MTUS2: variants seen among roughly 807,000 people sequenced by gnomAD.
The protein encoded by MTUS2 is microtubule-associated tumor suppressor candidate 2.
A neutral mutation model predicts 114.1 loss-of-function variants in MTUS2; 40 were observed. The ratio of observed to expected loss-of-function variants is 0.35; its 90% CI spans 0.27 to 0.46. The LOEUF (loss-of-function observed/expected upper bound fraction) is 0.46. Ranked by LOEUF, MTUS2 falls within the 20% of genes least tolerant of loss-of-function variation. The pLI is 1.00. For missense variants in MTUS2, 1,679 were observed against 1,705.4 expected, an observed-to-expected ratio of 0.98 and a Z score of 0.27; for synonymous variants, 688 against 672.0, an observed-to-expected ratio of 1.02 and a Z score of -0.37.
intron 7 of MTUS2, among the ~76,000 whole-genome samples, chr13:29,328,045 ATATC>A (rs1900600948): frequency 6.6e-6 from 1 of 152,174 alleles, no homozygotes; most frequent in African/African-American, 2.4e-5. Context: ...CTTTGATAAA[ATATC>A]TATCCAAATA....
chr13:29,444,576 T>C lies in MTUS2; in HGVS notation c.3184+4527T>C, dbSNP rs190235055. 1.0e-3 allele frequency among the ~76,000 whole-genome samples: 153 copies of C among 152,372 alleles called. 1 individual carries two copies. The Middle Eastern group carries it at 0.014, about 14-fold the overall frequency. On this transcript the variant is annotated intron_variant, in intron 9 of 15. Coordinates refer to ENST00000612955, the MANE Select transcript of MTUS2 (RefSeq NM_001033602.4). ...ATTTGAAGGTGAGGCCTGGGCCATT[T>C]TTTTTAAAGCCCCCTTATTAAGTAC...
chr13:28,940,948 AAGCT>A (rs1882200429), intron 2 of MTUS2, among the ~76,000 whole-genome samples: 1 of 152,106 alleles, frequency 6.6e-6, no homozygotes, highest in African/African-American at 2.4e-5. Flanking sequence ...AACCCAAAAA[AAGCT>A]AGGGTAACTA....
chr13:28,844,749 A>G (rs1593240358), intron 2 of MTUS2, among the ~76,000 whole-genome samples: 1 of 151,968 alleles, frequency 6.6e-6, no homozygotes, highest in African/African-American at 2.4e-5. Context: ...CCTGAGGAGC[A>G]GGGACTACAG....
At chr13:29,265,850 C>T (rs1897645864) in intron 5 of MTUS2, among the ~76,000 whole-genome samples, 1 of 152,186 alleles carries the variant, frequency 6.6e-6, no homozygotes. Flanking sequence ...ACCAGGCCCA[C>T]CTCCACACTG....
At chr13:29,284,568 C>T (rs1898401997) in intron 6 of MTUS2, among the ~76,000 whole-genome samples, 1 of 151,950 alleles carries the variant, frequency 6.6e-6, no homozygotes. Flanking sequence ...ATCTAAAACT[C>T]AAAAATGAAA....
At chr13:28,935,943 C>T (rs145350599) in intron 2 of MTUS2, among the ~76,000 whole-genome samples, 6 of 152,186 alleles carry the variant, frequency 3.9e-5, no homozygotes, top group South Asian at 2.1e-4. Flanking sequence ...GATGGGATCT[C>T]GCTCTGTTGC....
chr13:28,913,494 G>A (rs747302929), intron 2 of MTUS2, among the ~76,000 whole-genome samples: 2 of 152,146 alleles, frequency 1.3e-5, no homozygotes, highest in African/African-American at 4.8e-5. Flanking sequence ...GTTTTTTGAT[G>A]TGCTGCTGGA....
chr13:29,285,173 G>C (rs1362486990), intron 6 of MTUS2, among the ~76,000 whole-genome samples: 1 of 148,478 alleles, frequency 6.7e-6, no homozygotes, highest in Non-Finnish European at 1.5e-5. Flanking sequence ...ATCAATGAGG[G>C]CATATGATAA....
intron 6 of MTUS2, among the ~76,000 whole-genome samples, chr13:29,282,580 A>T (rs893308532): frequency 1.3e-5 from 2 of 152,076 alleles, no homozygotes; most frequent in African/African-American, 4.8e-5. Context: ...GCCTGCAGGG[A>T]TGTTTGTGTA....
At chr13:29,160,670 T>C (rs1210226845) in intron 5 of MTUS2, among the ~76,000 whole-genome samples, 1 of 151,584 alleles carries the variant, frequency 6.6e-6, no homozygotes, top group Non-Finnish European at 1.5e-5. Flanking sequence ...CTTGGGAGGC[T>C]GAGGCAGGAG....
At chr13:29,111,484 A>G (rs1387661828) in intron 5 of MTUS2, among the ~76,000 whole-genome samples, 1 of 152,338 alleles carries the variant, frequency 6.6e-6, no homozygotes, top group Middle Eastern at 3.4e-3. Context: ...GAAGAGGAGG[A>G]GGAAACATTT....
At chr13:29,392,900 C>A (rs959893142) in intron 8 of MTUS2, among the ~76,000 whole-genome samples, 2 of 152,142 alleles carry the variant, frequency 1.3e-5, no homozygotes, top group African/African-American at 4.8e-5. Flanking sequence ...TATTTTACCA[C>A]AATAAAAAAT....
intron 2 of MTUS2, among the ~76,000 whole-genome samples, chr13:29,012,773 C>G (rs1885906679): frequency 6.6e-6 from 1 of 152,058 alleles, no homozygotes; most frequent in Admixed American, 6.6e-5. Context: ...ACTCGGGAGG[C>G]TGAGGCAGGA....
chr13:28,843,272 T>C (rs919637960), intron 2 of MTUS2, among the ~76,000 whole-genome samples: 5 of 152,142 alleles, frequency 3.3e-5, no homozygotes, highest in Admixed American at 1.3e-4. Flanking sequence ...GGTTATTTTT[T>C]TTTTCTACAT....
chr13:29,075,797 C>T (rs977572404), intron 4 of MTUS2, among the ~76,000 whole-genome samples: 1 of 152,190 alleles, frequency 6.6e-6, no homozygotes, highest in African/African-American at 2.4e-5. Context: ...AGTGTCTGAA[C>T]AGGATCATTG....
intron 2 of MTUS2, among the ~76,000 whole-genome samples, chr13:28,852,245 C>T (rs368887316): frequency 2.0e-5 from 3 of 152,170 alleles, no homozygotes; most frequent in Non-Finnish European, 2.9e-5. Flanking sequence ...GACTTATTTT[C>T]TTCAGAGCAT....
intron 9 of MTUS2, among the ~76,000 whole-genome samples, chr13:29,473,420 T>C (rs1288358934): frequency 2.6e-5 from 4 of 152,222 alleles, no homozygotes; most frequent in Non-Finnish European, 5.9e-5. Context: ...TCGCTGAGTG[T>C]TCTCCTACTC....
chr13:29,127,694 C>G (rs1404823521), intron 5 of MTUS2, among the ~76,000 whole-genome samples: 1 of 152,208 alleles, frequency 6.6e-6, no homozygotes, highest in East Asian at 1.9e-4. Flanking sequence ...ACAGGGCTGA[C>G]TGCAGCCTCT....
chr13:29,328,204 TTTGATAA>T (rs1396912209), intron 7 of MTUS2, among the ~76,000 whole-genome samples: 8 of 152,372 alleles, frequency 5.3e-5, no homozygotes, highest in African/African-American at 1.9e-4. Flanking sequence ...TGAAAATACA[TTTGATAA>T]TAGAAAAATC....
Sources: allele counts gnomAD v4.1 joint callset (sites outside exome capture counted in the v4.1 genomes callset), GRCh38; gene constraint gnomAD v4.1.1; transcripts MANE v1.5; gene names NCBI Gene and HGNC (gene_info 2026-07-23, HGNC 2026-07-21).